VTI1A: variants seen among roughly 807,000 people sequenced by gnomAD.
The protein encoded by VTI1A is vesicle transport through interaction with t-SNAREs homolog 1A.
A neutral mutation model predicts 34.9 loss-of-function variants in VTI1A; 22 were observed. The ratio of observed to expected loss-of-function variants is 0.63; its 90% confidence interval spans 0.45 to 0.90. The LOEUF (loss-of-function observed/expected upper bound fraction) is 0.90. VTI1A is among the 40% of genes least tolerant of loss of function. VTI1A has a pLI of 0.00. For synonymous variants in VTI1A, 87 were observed against 97.3 expected (o/e 0.89, Z 0.62); for missense variants, 268 against 275.6 (o/e 0.97, Z 0.20).
chr10:112,850,207 C>T, the VTI1A span, among the ~76,000 whole-genome samples: 1 of 152,058 alleles, frequency 6.6e-6, no homozygotes, highest in African/African-American at 2.4e-5. Context: ...TAGAGCACGG[C>T]CTATTATTAC....
rs577652104 is a variant in VTI1A at position 112,580,351 on chromosome 10, G to T, written c.427+42021G>T. Among the ~76,000 whole-genome samples the T allele has an allele frequency of 4.6e-5, 7 of 152,324 alleles. No individual in the cohort carries two copies. The South Asian group carries it at 8.3e-4, about 18-fold the overall frequency. The stretch of plus-strand genomic sequence containing the variant: ...ATAGGAAGCCAAGTTACTCCCTGAA[G>T]GTGAAAGGCAAGGTCAAGAACTTAG... On this transcript the variant is annotated intron_variant, in intron 5 of 7. Transcript: ENST00000393077.
At chr10:112,820,058 G>T (rs147097028), downstream of VTI1A, among the ~76,000 whole-genome samples, 8 of 152,338 alleles carry the variant, frequency 5.3e-5, no homozygotes, top group East Asian at 1.5e-3. Flanking sequence ...CCACGGCGTG[G>T]GAGGTACCTG....
chr10:112,761,905 T>C (rs1435980442), intron 7 of VTI1A, among the ~76,000 whole-genome samples: 2 of 152,172 alleles, frequency 1.3e-5, no homozygotes, highest in Non-Finnish European at 2.9e-5. Flanking sequence ...TATTTTGTTT[T>C]CTGAATATCT....
intron 7 of VTI1A, among the ~76,000 whole-genome samples, chr10:112,751,842 A>G (rs1851118888): frequency 6.6e-6 from 1 of 152,198 alleles, no homozygotes. Flanking sequence ...TTGGTTACAC[A>G]ATCACATTGA....
chr10:112,616,934 A>G (rs1845534795), intron 5 of VTI1A, among the ~76,000 whole-genome samples: 1 of 152,212 alleles, frequency 6.6e-6, no homozygotes, highest in Non-Finnish European at 1.5e-5. Context: ...AGCATACCAA[A>G]AAGACATCAA....
At chr10:112,643,691 G>T (rs565109598) in intron 5 of VTI1A, among the ~76,000 whole-genome samples, 1 of 152,102 alleles carries the variant, frequency 6.6e-6, no homozygotes, top group Non-Finnish European at 1.5e-5. Flanking sequence ...CATAAGCTAC[G>T]AAAGACTTCA....
chr10:112,831,471 G>A, the VTI1A span: 4 of 152,200 alleles, frequency 2.6e-5, no homozygotes, highest in Non-Finnish European at 5.9e-5. Context: ...TATTCACCAG[G>A]CGTGTCCTTT....
the VTI1A span, chr10:112,831,530 T>C: frequency 2.6e-5 from 4 of 152,222 alleles, no homozygotes; most frequent in African/African-American, 7.2e-5. Context: ...AAGAGGGAGC[T>C]GAGCAGCTTC....
At chr10:112,761,768 C>CTGTG (rs1463590893) in intron 7 of VTI1A, among the ~76,000 whole-genome samples, 2 of 82,322 alleles carry the variant, frequency 2.4e-5, no homozygotes, top group Admixed American at 1.4e-4. Flanking sequence ...CTCTTTCTTT[C>CTGTG]TCTGTGTGTG....
chr10:112,851,408 T>C, the VTI1A span, among the ~76,000 whole-genome samples: 2 of 152,220 alleles, frequency 1.3e-5, no homozygotes, highest in Non-Finnish European at 2.9e-5. Flanking sequence ...TTCATATGCT[T>C]CTTCCCCTGC....
chr10:112,603,078 G>C (rs1469824620), intron 5 of VTI1A, among the ~76,000 whole-genome samples: 1 of 152,292 alleles, frequency 6.6e-6, no homozygotes, highest in Non-Finnish European at 1.5e-5. Flanking sequence ...CATGGAGTGG[G>C]TTCTTTTCAG....
the VTI1A span, among the ~76,000 whole-genome samples, chr10:112,848,374 G>A: frequency 8.5e-5 from 13 of 152,278 alleles, no homozygotes; most frequent in East Asian, 1.9e-4. Flanking sequence ...GATAGGCAAC[G>A]ATGACTAGGG....
chr10:112,540,118 A>G (rs115412204), intron 5 of VTI1A, among the ~76,000 whole-genome samples: 4,113 of 152,244 alleles, frequency 0.027, 66 homozygotes, highest in African/African-American at 0.037. Flanking sequence ...ATTGGGCTAC[A>G]TACTTGTGTG....
At position 112,669,036 on chromosome 10, in the gene VTI1A, G is replaced by GT. The variant is rs764972382; in HGVS notation, c.560+45dup. ...TAGGGACATATCTTTCTCTCTGTGTGTTTTTTTAAAATACTATGTTTTCAT... is the reference window on the plus strand; with the variant it reads ...TAGGGACATATCTTTCTCTCTGTGTGTTTTTTTTAAAATACTATGTTTTCAT... On this transcript the variant is annotated intron_variant, in intron 7 of 7. Coordinates refer to ENST00000393077, the MANE Select transcript of VTI1A (RefSeq NM_145206.4). 5.6e-6 allele frequency: 9 copies of GT among 1,604,390 alleles called. No homozygotes were observed. In the African/African-American group the frequency reaches 8.1e-5, roughly 14 times the overall value.
chr10:112,505,955 A>G (rs1849414858), intron 3 of VTI1A, among the ~76,000 whole-genome samples: 1 of 152,198 alleles, frequency 6.6e-6, no homozygotes, highest in Non-Finnish European at 1.5e-5. Flanking sequence ...GTATAGTATA[A>G]TAAGATATTG....
intron 5 of VTI1A, among the ~76,000 whole-genome samples, chr10:112,585,707 C>T (rs922940656): frequency 2.0e-5 from 3 of 149,362 alleles, no homozygotes; most frequent in East Asian, 3.9e-4. Flanking sequence ...ACACCCTCGC[C>T]GCCTCTTTGC....
intron 5 of VTI1A, among the ~76,000 whole-genome samples, chr10:112,613,544 T>G (rs1025889756): frequency 6.6e-6 from 1 of 152,188 alleles, no homozygotes; most frequent in African/African-American, 2.4e-5. Flanking sequence ...CCTTCTGCCT[T>G]TTGCTCTTTT....
chr10:112,494,561 T>G (rs113765327), intron 3 of VTI1A, among the ~76,000 whole-genome samples: 15 of 152,326 alleles, frequency 9.8e-5, no homozygotes, highest in African/African-American at 3.6e-4. Flanking sequence ...AAGGCTGGAA[T>G]GCAGTGGCGC....
intron 7 of VTI1A, among the ~76,000 whole-genome samples, chr10:112,744,407 G>T (rs1167908116): frequency 2.6e-5 from 4 of 151,218 alleles, no homozygotes; most frequent in African/African-American, 9.8e-5. Context: ...TCTGCCGGAA[G>T]TGATATGGAA....
Sources: gnomAD v4.1 joint callset for allele counts (sites outside exome capture counted in the v4.1 genomes callset) on GRCh38, gnomAD v4.1.1 for gene constraint, MANE v1.5 for transcripts, NCBI Gene and HGNC (gene_info 2026-07-23, HGNC 2026-07-21) for gene names.